The following NRXN3 variants were observed in gnomAD, a reference collection of about 807,000 sequenced individuals.
NRXN3 encodes the protein neurexin III.
A neutral mutation model predicts 137.6 loss-of-function variants in NRXN3; 32 were observed. The observed-to-expected ratio is 0.23, with a 90% CI of 0.18 to 0.31. The LOEUF (loss-of-function observed/expected upper bound fraction) is 0.31, where lower values mean the gene tolerates loss of function less well. Ranked by LOEUF, NRXN3 falls within the 10% of genes least tolerant of loss-of-function variation. The pLI, the probability that NRXN3 is intolerant of heterozygous loss-of-function variation, is 1.00. For synonymous variants in NRXN3, 798 were observed against 784.5 expected (o/e 1.02, Z -0.29); for missense variants, 1,574 against 2,062.5 (o/e 0.76, Z 4.59).
rs532588177 is a variant in NRXN3, at chr14:79,522,501, C to A, written c.3444+55099C>A. 2.0e-5 allele frequency among the ~76,000 whole-genome samples: 3 copies of A among 152,222 alleles called. No individual in the cohort carries two copies. The East Asian group carries it at 5.8e-4, about 29-fold the overall frequency. On this transcript the variant is annotated intron_variant, in intron 16 of 20. Transcript: ENST00000335750. ...TATGCTAGGGCCATATTTCTAACTA[C>A]CTTCCAATGTAGCAGGAGATAGCAA...
chr14:79,620,853 G>A (rs766145570), intron 16 of NRXN3, among the ~76,000 whole-genome samples: 8 of 152,108 alleles, frequency 5.3e-5, no homozygotes, highest in Non-Finnish European at 1.2e-4. Flanking sequence ...GAGAATGGAT[G>A]AGACCTGAAG....
At chr14:78,331,342 G>A (rs930406769) in intron 4 of NRXN3, among the ~76,000 whole-genome samples, 2 of 152,056 alleles carry the variant, frequency 1.3e-5, no homozygotes, top group South Asian at 2.1e-4. Flanking sequence ...TAAAAGTACT[G>A]TTGTTTTAAT....
chr14:78,943,180 G>A (rs2099356425), intron 10 of NRXN3, among the ~76,000 whole-genome samples: 1 of 152,170 alleles, frequency 6.6e-6, no homozygotes, highest in Non-Finnish European at 1.5e-5. Context: ...GAAGAGGCAG[G>A]GAGGGGAGGT....
intron 2 of NRXN3, among the ~76,000 whole-genome samples, chr14:78,272,805 T>C (rs1176298405): frequency 2.0e-5 from 3 of 152,176 alleles, no homozygotes; most frequent in Non-Finnish European, 2.9e-5. Flanking sequence ...TTTCCTTATC[T>C]GTAAAATAGG....
At chr14:78,537,730 T>G (rs1047351317) in intron 4 of NRXN3, among the ~76,000 whole-genome samples, 1 of 152,222 alleles carries the variant, frequency 6.6e-6, no homozygotes, top group Non-Finnish European at 1.5e-5. Context: ...TTCTAGGGTT[T>G]TTATGGTTTT....
intron 6 of NRXN3, among the ~76,000 whole-genome samples, chr14:78,668,065 C>T (rs1263821674): frequency 2.0e-5 from 3 of 152,152 alleles, no homozygotes; most frequent in African/African-American, 4.8e-5. Flanking sequence ...GGATTACAGG[C>T]GTGAGCCACC....
chr14:79,348,031 A>G (rs1272228703), intron 15 of NRXN3, among the ~76,000 whole-genome samples: 3 of 152,128 alleles, frequency 2.0e-5, no homozygotes, highest in African/African-American at 7.2e-5. Context: ...TTTAAGCTTT[A>G]CATAACCTTT....
intron 4 of NRXN3, among the ~76,000 whole-genome samples, chr14:78,539,637 C>T (rs921439275): frequency 7.9e-5 from 12 of 152,264 alleles, no homozygotes; most frequent in African/African-American, 2.9e-4. Flanking sequence ...TTACTTATCT[C>T]TTGCCTTCTG....
intron 4 of NRXN3, among the ~76,000 whole-genome samples, chr14:78,317,332 G>A (rs563325629): frequency 2.6e-5 from 4 of 152,140 alleles, no homozygotes; most frequent in East Asian, 3.9e-4. Context: ...AGTGGCAGGC[G>A]AGTGAGCATT....
intron 15 of NRXN3, among the ~76,000 whole-genome samples, chr14:79,332,644 C>T (rs1369853638): frequency 6.6e-6 from 1 of 152,192 alleles, no homozygotes; most frequent in African/African-American, 2.4e-5. Flanking sequence ...ATTTCTTCTT[C>T]TGGGTTTTCC....
At position 79,647,955 on chromosome 14, in the gene NRXN3, G is replaced by A. The variant is rs890570547; in HGVS notation, c.3445-15823G>A. 2.2e-5 allele frequency among the ~76,000 whole-genome samples: 3 copies of A among 134,702 alleles called. 1 individual carries two copies. The highest frequency in any genetic ancestry group is 5.2e-5 in the Non-Finnish European group (3 of 58,022). The allele number at this position is 134,702 out of a possible 152,430, so 88.4% of individuals were successfully genotyped here. A position where few individuals can be genotyped will look rare whatever the true frequency, so the allele number is the denominator to read the frequency against. On this transcript the variant is annotated intron_variant, in intron 16 of 20. Transcript: ENST00000335750. ...GTGATGAAGTTAAGCTTTAAGGCCA[G>A]GCCTGTCTACTCAAAAGCCTGTGAT...
intron 15 of NRXN3, among the ~76,000 whole-genome samples, chr14:79,191,044 C>T (rs1313081438): frequency 6.6e-6 from 1 of 152,128 alleles, no homozygotes; most frequent in Non-Finnish European, 1.5e-5. Context: ...TAACTAAAAG[C>T]CAATGGAGAT....
At chr14:78,537,807 C>G (rs1302019643) in intron 4 of NRXN3, among the ~76,000 whole-genome samples, 1 of 152,002 alleles carries the variant, frequency 6.6e-6, no homozygotes, top group Non-Finnish European at 1.5e-5. Context: ...GGAAGGGATC[C>G]AGTTTCAGCT....
chr14:79,205,579 C>G (rs1196537195), intron 15 of NRXN3, among the ~76,000 whole-genome samples: 1 of 152,158 alleles, frequency 6.6e-6, no homozygotes, highest in Non-Finnish European at 1.5e-5. Context: ...CCATCTTTAT[C>G]CACCATCATC....
At chr14:79,700,089 G>A (rs1209470440) in intron 19 of NRXN3, among the ~76,000 whole-genome samples, 1 of 151,990 alleles carries the variant, frequency 6.6e-6, no homozygotes, top group Non-Finnish European at 1.5e-5. Flanking sequence ...TCATCTTCAA[G>A]CCTAGTCTGG....
At chr14:78,612,991 A>G (rs2097312958) in intron 4 of NRXN3, among the ~76,000 whole-genome samples, 1 of 152,228 alleles carries the variant, frequency 6.6e-6, no homozygotes, top group Admixed American at 6.5e-5. Context: ...GTCATATCAC[A>G]TAATCATGGA....
chr14:79,634,806 C>A (rs765876196), intron 16 of NRXN3, among the ~76,000 whole-genome samples: 3 of 152,202 alleles, frequency 2.0e-5, no homozygotes, highest in Non-Finnish European at 4.4e-5. Flanking sequence ...ACTGACCAAC[C>A]TTTCCCCATC....
intron 15 of NRXN3, among the ~76,000 whole-genome samples, chr14:79,362,257 G>A (rs1003279120): frequency 6.6e-6 from 1 of 151,530 alleles, no homozygotes; most frequent in Middle Eastern, 3.4e-3. Context: ...CCATTAACTC[G>A]TCATTTACAT....
chr14:79,094,847 G>A (rs1004935567), intron 15 of NRXN3, among the ~76,000 whole-genome samples: 2 of 151,948 alleles, frequency 1.3e-5, no homozygotes, highest in African/African-American at 4.8e-5. Context: ...GGGTAGAGTT[G>A]AAAGCAATAG....
Sources: allele counts gnomAD v4.1 joint callset (sites outside exome capture counted in the v4.1 genomes callset), GRCh38; gene constraint gnomAD v4.1.1; transcripts MANE v1.5; gene names NCBI Gene and HGNC (gene_info 2026-07-23, HGNC 2026-07-21).